Variants in ATG7 observed in about 807,000 individuals in gnomAD.
ATG7 encodes autophagy related 7, also known as ubiquitin-like modifier-activating enzyme ATG7.
A neutral mutation model predicts 82.4 loss-of-function variants in ATG7; 70 were observed. That is an observed-to-expected ratio of 0.85 (90% CI 0.70 to 1.04). ATG7 has a LOEUF of 1.04. ATG7 is among the 50% of genes least tolerant of loss of function. The pLI, the probability that ATG7 is intolerant of heterozygous loss-of-function variation, is 0.00. For missense variants in ATG7, 792 were observed against 864.3 expected (o/e 0.92, Z 1.05); for synonymous variants, 287 against 313.0 (o/e 0.92, Z 0.88).
intron 19 of ATG7, among the ~76,000 whole-genome samples, chr3:11,394,939 A>G (rs4684775): frequency 0.51 from 78,100 of 151,994 alleles, 20,966 homozygotes; most frequent in East Asian, 0.68. Flanking sequence ...AGAAGCAAAG[A>G]CAAAAGAAAT....
intron 20 of ATG7, among the ~76,000 whole-genome samples, chr3:11,484,225 G>C (rs1253295367): frequency 6.6e-6 from 1 of 152,082 alleles, no homozygotes; most frequent in Non-Finnish European, 1.5e-5. Context: ...AGAACCCCGT[G>C]TCTACCAAAA....
At chr3:11,333,770 T>G (rs1213769974) in intron 11 of ATG7, among the ~76,000 whole-genome samples, 7 of 148,816 alleles carry the variant, frequency 4.7e-5, no homozygotes, top group African/African-American at 7.5e-5. Context: ...TTTTTTGAGA[T>G]GGAGTCTCAC....
chr3:11,521,140 C>A (rs1027250566), intron 20 of ATG7, among the ~76,000 whole-genome samples: 3 of 152,134 alleles, frequency 2.0e-5, no homozygotes, highest in Non-Finnish European at 4.4e-5. Context: ...GATGACAGAT[C>A]ATGAGATAAT....
At chr3:11,524,254 G>A (rs1165419965) in intron 20 of ATG7, among the ~76,000 whole-genome samples, 2 of 152,164 alleles carry the variant, frequency 1.3e-5, no homozygotes, top group African/African-American at 4.8e-5. Flanking sequence ...GACAAAGGAA[G>A]GCATTGCTTT....
chr3:11,280,770 C>A (rs1345509971), intron 1 of ATG7, among the ~76,000 whole-genome samples: 1 of 152,044 alleles, frequency 6.6e-6, no homozygotes, highest in Non-Finnish European at 1.5e-5. Flanking sequence ...TGCCTATTCC[C>A]CCTGCTCTTA....
rs1054129072 is a variant in ATG7, at chr3:11,484,765, T to C, written c.2079+57839T>C. Among the ~76,000 whole-genome samples, 30 of 152,172 alleles carry C rather than the reference T, an allele frequency of 2.0e-4. 1 individual carries two copies. Among genetic ancestry groups the C allele is most frequent in the Non-Finnish European group, 4.4e-5 (3 of 68,036 alleles). The stretch of plus-strand genomic sequence containing the variant: ...GTGTCCATGTGTTGTCATTGTTCAA[T>C]TCCCACCTATGAGTGAGAATATGCA... On this transcript the variant is annotated intron_variant, in intron 20 of 20. Coordinates refer to ENST00000693202, the MANE Select transcript of ATG7 (RefSeq NM_001349232.2).
At chr3:11,462,270 G>A (rs1262602350) in intron 20 of ATG7, among the ~76,000 whole-genome samples, 1 of 151,958 alleles carries the variant, frequency 6.6e-6, no homozygotes, top group Non-Finnish European at 1.5e-5. Flanking sequence ...GCTGTTTTAT[G>A]TTCTTTTATG....
intron 20 of ATG7, among the ~76,000 whole-genome samples, chr3:11,517,957 A>G (rs555772809): frequency 1.3e-5 from 2 of 152,296 alleles, no homozygotes; most frequent in South Asian, 4.1e-4. Context: ...GATTGGGGTG[A>G]TCAGGCTGGC....
intron 5 of ATG7, among the ~76,000 whole-genome samples, chr3:11,303,126 GAGGAA>G (rs1947051675): frequency 6.6e-6 from 1 of 152,178 alleles, no homozygotes; most frequent in Non-Finnish European, 1.5e-5. Flanking sequence ...ACAGATTAAT[GAGGAA>G]AGACAGCCAA....
At chr3:11,482,590 T>G (rs2089132933) in intron 20 of ATG7, among the ~76,000 whole-genome samples, 1 of 152,062 alleles carries the variant, frequency 6.6e-6, no homozygotes, top group Non-Finnish European at 1.5e-5. Flanking sequence ...GAGCTAGAAT[T>G]CCATTTGTTG....
intron 20 of ATG7, among the ~76,000 whole-genome samples, chr3:11,441,817 C>G (rs2084004436): frequency 6.6e-6 from 1 of 151,932 alleles, no homozygotes; most frequent in Non-Finnish European, 1.5e-5. Context: ...CAGGCGCCTG[C>G]CACCACACCT....
rs562210547 is a variant in ATG7, at chr3:11,413,135, T to C, written c.1957-13669T>C. Among the ~76,000 whole-genome samples the C allele has an allele frequency of 3.2e-4, 49 of 152,312 alleles. 1 individual carries two copies. Among genetic ancestry groups the C allele is most frequent in the African/African-American group, 1.2e-3 (49 of 41,570 alleles). The stretch of plus-strand genomic sequence containing the variant: ...AGCAGAAATCGTTTTACTTCTTCCT[T>C]TTCAATTTGGATGCCTTTTATTTAT... On this transcript the variant is annotated intron_variant, in intron 19 of 20. Coordinates refer to ENST00000693202, the MANE Select transcript of ATG7 (RefSeq NM_001349232.2).
Position 11,347,859 on chromosome 3 carries a change from T to C in ATG7, c.1126-18T>C. 1 of 1,609,160 alleles carries C rather than the reference T, an allele frequency of 6.2e-7. No individual in the cohort carries two copies. The highest frequency in any genetic ancestry group is 1.7e-4 in the Middle Eastern group (1 of 5,890). On this transcript the variant is annotated intron_variant, in intron 13 of 20. Transcript: ENST00000693202. The stretch of plus-strand genomic sequence containing the variant: ...AATGTTCATCAGAAACACACCATGA[T>C]CTCCTGTTTCCACACAGGGTTGGGG...
intron 19 of ATG7, among the ~76,000 whole-genome samples, chr3:11,395,712 G>A (rs12053815): frequency 0.13 from 20,207 of 151,486 alleles, 1,469 homozygotes; most frequent in South Asian, 0.3. Flanking sequence ...AGGCCGAAGC[G>A]GGCAGATCAC....
Position 11,364,741 on chromosome 3 carries a change from G to C in ATG7, c.1875+7G>C. On this transcript the variant is annotated splice_region_variant and intron_variant, in intron 18 of 20. Transcript: ENST00000693202. ...TGGGCTTGTGCCTCACCAGGTTAGTGATGTGGAAGTGAAATCACAATTCTT... is the reference window on the plus strand; with the variant it reads ...TGGGCTTGTGCCTCACCAGGTTAGTCATGTGGAAGTGAAATCACAATTCTT... 1.2e-6 allele frequency: 2 copies of C among 1,613,988 alleles called. No individual in the cohort carries two copies. The highest frequency in any genetic ancestry group is 1.7e-6 in the Non-Finnish European group (2 of 1,179,856).
At chr3:11,510,162 CAT>C (rs2091976054) in intron 20 of ATG7, 1 of 455,168 alleles carries the variant, frequency 2.2e-6, no homozygotes, top group South Asian at 1.6e-5. Flanking sequence ...TGCCTGAAAT[CAT>C]ATATCTTTAC....
intron 17 of ATG7, 92 bp from the exon 18 acceptor site, chr3:11,364,567 C>G (rs2076474915): frequency 7.1e-7 from 1 of 1,410,866 alleles, no homozygotes; most frequent in Non-Finnish European, 1.0e-6. Context: ...TTTTAGTTAT[C>G]CTTATGAATC....
chr3:11,541,720 C>T (rs113574346), intron 20 of ATG7, among the ~76,000 whole-genome samples: 1,692 of 152,312 alleles, frequency 0.011, 16 homozygotes, highest in Non-Finnish European at 0.018. Flanking sequence ...CTCCTCTTCT[C>T]CCTCTCTCTG....
intron 20 of ATG7, among the ~76,000 whole-genome samples, chr3:11,489,811 T>C (rs1220680043): frequency 6.6e-6 from 1 of 151,950 alleles, no homozygotes. Flanking sequence ...TAATCCTGAG[T>C]TCTAGTTTGA....
Sources: gnomAD v4.1 joint callset for allele counts (sites outside exome capture counted in the v4.1 genomes callset) on GRCh38, gnomAD v4.1.1 for gene constraint, MANE v1.5 for transcripts, NCBI Gene and HGNC (gene_info 2026-07-23, HGNC 2026-07-21) for gene names.